The following APCDD1 variants were observed in gnomAD, a reference collection of about 807,000 sequenced individuals.
APCDD1 encodes APC down-regulated 1.
In APCDD1, 15 loss-of-function variants were observed where a neutral mutation model predicts 38.1. The ratio of observed to expected loss-of-function variants is 0.39; its 90% confidence interval spans 0.26 to 0.61. The LOEUF (loss-of-function observed/expected upper bound fraction) is 0.61, where lower values mean the gene tolerates loss of function less well. APCDD1 is among the 20% of genes least tolerant of loss of function. The pLI is 0.49. For missense variants in APCDD1, 647 were observed against 696.2 expected, an observed-to-expected ratio of 0.93 and a Z score of 0.79; for synonymous variants, 261 against 279.7, an observed-to-expected ratio of 0.93 and a Z score of 0.67.
rs117742712 is a variant in APCDD1 at position 10,468,699 on chromosome 18, A to G, written c.242+47A>G. 2.0e-4 allele frequency: 311 copies of G among 1,588,824 alleles called. No individual in the cohort carries two copies. The East Asian group carries it at 5.6e-3, about 29-fold the overall frequency. On this transcript the variant is annotated intron_variant, in intron 2 of 4. Coordinates refer to ENST00000355285, the MANE Select transcript of APCDD1 (RefSeq NM_153000.5). ...GGGAGAGGCCAGAGAGCACACCACT[A>G]TGGAAGACCCTTCTTATGGGTTCTC...
At chr18:10,458,322 C>G (rs1279681365) in intron 1 of APCDD1, among the ~76,000 whole-genome samples, 1 of 152,138 alleles carries the variant, frequency 6.6e-6, no homozygotes, top group East Asian at 1.9e-4. Context: ...CTTATTCTGT[C>G]AAGACTTTTA....
rs189006692 is a variant in APCDD1 at position 10,482,171 on chromosome 18, C to G, written c.775-3291C>G. On this transcript the variant is annotated intron_variant, in intron 3 of 4. Transcript: ENST00000355285. ...CTCCCACCCCCACCTTAGAAGCTCT[C>G]TGAGCTCTTCCTGAATTGATCCTGG... 4.3e-3 allele frequency among the ~76,000 whole-genome samples: 657 copies of G among 152,318 alleles called. 4 individuals are homozygous for G. Among genetic ancestry groups the G allele is most frequent in the Non-Finnish European group, 7.2e-3 (489 of 68,034 alleles).
At chr18:10,465,635 G>T (rs1263356856) in intron 1 of APCDD1, among the ~76,000 whole-genome samples, 1 of 152,212 alleles carries the variant, frequency 6.6e-6, no homozygotes, top group South Asian at 2.1e-4. Context: ...ATTGAGACAC[G>T]TGCAGAGCAA....
chr18:10,468,434 C>T, intron 1 of APCDD1, 35 bp from the exon 2 acceptor site: 3 of 1,612,826 alleles, frequency 1.9e-6, no homozygotes, highest in Non-Finnish European at 2.5e-6. Context: ...GCTGCTACTT[C>T]TTCTTTTGGC....
intron 3 of APCDD1, among the ~76,000 whole-genome samples, chr18:10,481,624 T>C (rs897067595): frequency 2.6e-5 from 4 of 151,742 alleles, no homozygotes; most frequent in African/African-American, 9.7e-5. Context: ...AGTGTGAATA[T>C]ACTTTAAAAT....
chr18:10,482,023 C>T (rs1023384094), intron 3 of APCDD1, among the ~76,000 whole-genome samples: 3 of 152,110 alleles, frequency 2.0e-5, no homozygotes, highest in Non-Finnish European at 4.4e-5. Context: ...ACAGCCCAGG[C>T]GACAGCAGTG....
At chr18:10,459,982 T>C (rs2030489898) in intron 1 of APCDD1, among the ~76,000 whole-genome samples, 1 of 152,240 alleles carries the variant, frequency 6.6e-6, no homozygotes, top group Admixed American at 6.5e-5. Flanking sequence ...TATTTTGACA[T>C]TATACTTAGT....
intron 4 of APCDD1, among the ~76,000 whole-genome samples, chr18:10,486,038 C>A (rs1391845936): frequency 6.6e-6 from 1 of 152,144 alleles, no homozygotes; most frequent in Non-Finnish European, 1.5e-5. Context: ...AAGTTGCCAG[C>A]CAGGGAGGAT....
chr18:10,464,122 T>A (rs900668061), intron 1 of APCDD1, among the ~76,000 whole-genome samples: 6 of 152,172 alleles, frequency 3.9e-5, no homozygotes, highest in Admixed American at 1.3e-4. Flanking sequence ...CCATCACTGG[T>A]TAAAAACGTA....
At chr18:10,468,682 C>A in intron 2 of APCDD1, 30 bp downstream of exon 2, 1 of 1,608,076 alleles carries the variant, frequency 6.2e-7, no homozygotes, top group Non-Finnish European at 8.5e-7. Context: ...CTGGGAGAGG[C>A]CAGAGAGCAC....
rs1185462273 is a variant in APCDD1 at position 10,476,413 on chromosome 18, A to T, written c.774+4352A>T. Reference sequence around the variant, plus strand: ...AACTGGCTACTCTTCATTATAAAAAAGTCAAGACAGCGTAAAGTAACCCTG... The same window carrying T: ...AACTGGCTACTCTTCATTATAAAAATGTCAAGACAGCGTAAAGTAACCCTG... On this transcript the variant is annotated intron_variant, in intron 3 of 4. Transcript: ENST00000355285. The surrounding 1 kb of genome is among the most constrained non-coding windows in gnomAD (Gnocchi z 5.8). The T allele has an allele frequency of 6.6e-6, 1 of 152,242 alleles. No homozygotes were observed. The highest frequency in any genetic ancestry group is 1.9e-4 in the East Asian group (1 of 5,204). The allele number at this position is 152,242 out of a possible 1,614,324, so 9.4% of individuals were successfully genotyped here.
In APCDD1 at chr18:10,454,879, GCCCGGCCGCA is replaced by G; in HGVS notation, c.-94_-85del. ...GGCAGCCGCCTGAAGCCCCGGCCTG[GCCCGGCCGCA>G]CCCGGCCGGAGGCGGAGGGCAGAGC... On this transcript the variant is annotated 5_prime_UTR_variant, in exon 1 of 5. Coordinates refer to ENST00000355285, the MANE Select transcript of APCDD1 (RefSeq NM_153000.5). 30 of 1,269,982 alleles carry G rather than the reference GCCCGGCCGCA, an allele frequency of 2.4e-5. 1 individual carries two copies. Among genetic ancestry groups the G allele is most frequent in the South Asian group, 6.5e-5 (3 of 46,334 alleles). The allele number at this position is 1,269,982 out of a possible 1,614,324, so 78.7% of individuals were successfully genotyped here.
chr18:10,471,992 T>G lies in APCDD1; in HGVS notation c.705T>G (p.Ile235Met). 1 of 1,613,984 alleles carries G rather than the reference T, an allele frequency of 6.2e-7. No individual in the cohort carries two copies. Among genetic ancestry groups the G allele is most frequent in the Non-Finnish European group, 8.5e-7 (1 of 1,180,022 alleles). ...TCGAGGAGCTCTTCCTTGGTGACAT[T>G]CACACTGATGCCACCCAGAGGATGT... Reference protein sequence around the residue: ...HLVEELFLGDIHTDATQRMFY... With the variant: ...HLVEELFLGDMHTDATQRMFY... Residue 235 changes from isoleucine (I) to methionine (M), a missense_variant, in exon 3 of 5, where the codon ATT becomes ATG. Transcript: ENST00000355285. The surrounding 1 kb of genome is among the most constrained non-coding windows in gnomAD (Gnocchi z 5.5).
chr18:10,468,952 A>G (rs2030786020), intron 2 of APCDD1, among the ~76,000 whole-genome samples: 1 of 152,262 alleles, frequency 6.6e-6, no homozygotes. Flanking sequence ...AAAAGAAACC[A>G]TTAGCAAGTG....
chr18:10,478,853 CAATTCACAAGCTCCTAG>C (rs2031068935), intron 3 of APCDD1, among the ~76,000 whole-genome samples: 1 of 152,164 alleles, frequency 6.6e-6, no homozygotes, highest in South Asian at 2.1e-4. Flanking sequence ...AAATGAGCCC[CAATTCACAAGCTCCTAG>C]AATCCCAGAT....
At chr18:10,466,162 G>T (rs925636012) in intron 1 of APCDD1, among the ~76,000 whole-genome samples, 3 of 152,174 alleles carry the variant, frequency 2.0e-5, no homozygotes, top group Non-Finnish European at 4.4e-5. Context: ...CGATCATACT[G>T]TTGACCCACC....
In APCDD1 at chr18:10,471,811, T is replaced by C. The variant is rs780949022; in HGVS notation, c.524T>C (p.Leu175Pro). The change falls in exon 3 of 5, where the codon CTC becomes CCC. Residue 175 changes from leucine to proline, a missense_variant. Leu to Pro is a moderately conservative substitution (Grantham distance 98). Coordinates refer to ENST00000355285, the MANE Select transcript of APCDD1 (RefSeq NM_153000.5). This position sits in a 1 kb window ranked among gnomAD's most constrained non-coding sequence, Gnocchi z 5.5. ...GTGAACCGCACATGCCCGGGCTTCC[T>C]CGCAGACGGGGGTCCCTGGGTGCAG... is the stretch of plus-strand genomic sequence containing the variant. ...QQVNRTCPGF[L>P]ADGGPWVQDV... 6.8e-6 allele frequency: 11 copies of C among 1,613,742 alleles called. No homozygotes were observed. In the East Asian group the frequency reaches 2.2e-4, roughly 33 times the overall value.
intron 1 of APCDD1, 128 bp from the exon 2 acceptor site, chr18:10,468,341 T>C: frequency 9.8e-7 from 1 of 1,018,000 alleles, no homozygotes; most frequent in Non-Finnish European, 1.5e-6. Context: ...CGCACTGTGA[T>C]GACACCTTGT....
intron 1 of APCDD1, among the ~76,000 whole-genome samples, chr18:10,456,080 G>C (rs2030375000): frequency 6.6e-6 from 1 of 152,208 alleles, no homozygotes. Context: ...CCCTCCGGAG[G>C]ATCAAGGAAA....
Sources: gnomAD v4.1 joint callset for allele counts (sites outside exome capture counted in the v4.1 genomes callset) on GRCh38, gnomAD v4.1.1 for gene constraint, Gnocchi (gnomAD v3.1) non-coding constraint, MANE v1.5 for transcripts, NCBI Gene and HGNC (gene_info 2026-07-23, HGNC 2026-07-21) for gene names.